Variants in ABI1 observed in about 807,000 individuals in gnomAD.
ABI1 encodes the protein abl interactor 1, also known as Abelson interactor 1.
A neutral mutation model predicts 54.6 loss-of-function variants in ABI1; 14 were observed. The ratio of observed to expected loss-of-function variants is 0.26; its 90% CI spans 0.17 to 0.40. The LOEUF (loss-of-function observed/expected upper bound fraction) is 0.40. Ranked by LOEUF, ABI1 falls within the 10% of genes least tolerant of loss-of-function variation. The probability of loss-of-function intolerance (pLI) is 1.00; values close to 1 mark genes in which losing one functional copy is unlikely to be tolerated. For missense variants in ABI1, 443 were observed against 598.3 expected (o/e 0.74, Z 2.71); for synonymous variants, 194 against 209.3 (o/e 0.93, Z 0.63).
chr10:26,840,042 T>C (rs1480410046), intron 1 of ABI1, among the ~76,000 whole-genome samples: 1 of 152,134 alleles, frequency 6.6e-6, no homozygotes, highest in African/African-American at 2.4e-5. Flanking sequence ...CTATGAATAC[T>C]AGCAAAAGTA....
chr10:26,756,323 T>C (rs1410948124), intron 8 of ABI1, among the ~76,000 whole-genome samples: 1 of 152,172 alleles, frequency 6.6e-6, no homozygotes, highest in Non-Finnish European at 1.5e-5. Flanking sequence ...CAGGAAAAAC[T>C]CTTGTTTGTA....
intron 1 of ABI1, among the ~76,000 whole-genome samples, chr10:26,852,372 A>G (rs7895559): frequency 0.57 from 87,185 of 151,904 alleles, 27,196 homozygotes; most frequent in African/African-American, 0.83. Flanking sequence ...CCAGCTACTC[A>G]GGATGCCGAG....
chr10:26,859,654 A>T (rs2051134859), intron 1 of ABI1, among the ~76,000 whole-genome samples: 1 of 152,230 alleles, frequency 6.6e-6, no homozygotes, highest in South Asian at 2.1e-4. Flanking sequence ...ACAAACAAGC[A>T]TCTGTCACAA....
intron 2 of ABI1, among the ~76,000 whole-genome samples, chr10:26,807,929 T>C (rs1249648511): frequency 2.0e-5 from 3 of 151,796 alleles, no homozygotes; most frequent in Admixed American, 6.6e-5. Flanking sequence ...CCGCCTCTAT[T>C]AAAAATACAA....
intron 1 of ABI1, among the ~76,000 whole-genome samples, chr10:26,848,459 T>A (rs1403181808): frequency 2.0e-5 from 3 of 152,114 alleles, no homozygotes; most frequent in East Asian, 3.8e-4. Flanking sequence ...ATTTTTGGTA[T>A]GAAATTTGAA....
chr10:26,757,031 TAAAAAAC>T (rs1838404118), intron 8 of ABI1, among the ~76,000 whole-genome samples: 1 of 151,962 alleles, frequency 6.6e-6, no homozygotes, highest in Non-Finnish European at 1.5e-5. Context: ...GGTTTTGACT[TAAAAAAC>T]AAAAAACTCT....
chr10:26,843,722 G>A (rs7068321), intron 1 of ABI1, among the ~76,000 whole-genome samples: 38,307 of 150,334 alleles, frequency 0.25, 5,508 homozygotes, highest in South Asian at 0.44. Context: ...TGTGGTAGTG[G>A]GGCAAGGTAG....
Position 26,830,998 on chromosome 10 carries a change from C to A in ABI1, c.118-7693G>T, listed in dbSNP as rs953318445. Among the ~76,000 whole-genome samples, 3 of 152,088 alleles carry A rather than the reference C, an allele frequency of 2.0e-5. No homozygotes were observed. In the East Asian group the frequency reaches 5.8e-4, roughly 29 times the overall value. On this transcript the variant is annotated intron_variant, in intron 1 of 10. Transcript: ENST00000376140. ...TGCAGCCTTGATCTCCTGGGTTCAA[C>A]TGATCCTCCCACCTCAGCCTCCTGA...
At chr10:26,772,284 T>C (rs1326380266) in intron 3 of ABI1, among the ~76,000 whole-genome samples, 3 of 152,094 alleles carry the variant, frequency 2.0e-5, no homozygotes, top group Admixed American at 1.3e-4. Flanking sequence ...TAAAATACAC[T>C]AATGTATACT....
chr10:26,854,029 G>A (rs1293538978), intron 1 of ABI1, among the ~76,000 whole-genome samples: 1 of 152,112 alleles, frequency 6.6e-6, no homozygotes, highest in African/African-American at 2.4e-5. Context: ...TAAGGTTACT[G>A]TAAATGGTCA....
At chr10:26,846,403 C>A (rs553536627) in intron 1 of ABI1, among the ~76,000 whole-genome samples, 1 of 149,434 alleles carries the variant, frequency 6.7e-6, no homozygotes, top group East Asian at 2.0e-4. Context: ...AGTGCAGTGG[C>A]GTGCTCTCAG....
At chr10:26,796,958 A>G (rs1844260043) in intron 2 of ABI1, among the ~76,000 whole-genome samples, 1 of 152,170 alleles carries the variant, frequency 6.6e-6, no homozygotes, top group Non-Finnish European at 1.5e-5. Flanking sequence ...CTAATGCCAC[A>G]GCTAATCTGA....
chr10:26,769,049 T>C, intron 5 of ABI1, 57 bp from the exon 6 acceptor site: 1 of 1,373,236 alleles, frequency 7.3e-7, no homozygotes, highest in Non-Finnish European at 9.7e-7. Flanking sequence ...ATTGTATTTT[T>C]CCCAAAAATA....
At chr10:26,844,945 C>T (rs188703213) in intron 1 of ABI1, among the ~76,000 whole-genome samples, 51 of 152,272 alleles carry the variant, frequency 3.3e-4, no homozygotes, top group Non-Finnish European at 1.0e-4. Flanking sequence ...TCTCTCCCTT[C>T]TCCAATCCAT....
intron 2 of ABI1, among the ~76,000 whole-genome samples, chr10:26,800,674 C>T (rs1043250637): frequency 1.3e-5 from 2 of 151,980 alleles, no homozygotes; most frequent in African/African-American, 2.4e-5. Flanking sequence ...GAGGATGCAA[C>T]GAGCCATGAC....
chr10:26,799,039 T>C (rs2046376197), intron 2 of ABI1, among the ~76,000 whole-genome samples: 1 of 152,168 alleles, frequency 6.6e-6, no homozygotes, highest in Admixed American at 6.6e-5. Context: ...TGTTGTTTCA[T>C]TTGAATTCAA....
intron 9 of ABI1, among the ~76,000 whole-genome samples, chr10:26,753,656 AGT>A (rs1432851954): frequency 7.2e-5 from 11 of 152,188 alleles, no homozygotes; most frequent in African/African-American, 2.7e-4. Flanking sequence ...ACCCACTTTG[AGT>A]GTCATAAGAA....
intron 1 of ABI1, among the ~76,000 whole-genome samples, chr10:26,858,060 A>G (rs2050983406): frequency 6.6e-6 from 1 of 152,222 alleles, no homozygotes; most frequent in South Asian, 2.1e-4. Context: ...CAAACTGTAG[A>G]AAAACGAAAT....
chr10:26,811,316 T>C (rs112720995), intron 2 of ABI1, among the ~76,000 whole-genome samples: 34 of 152,200 alleles, frequency 2.2e-4, no homozygotes, highest in African/African-American at 8.2e-4. Context: ...AGCATGTATT[T>C]ACATTCAGAG....
Sources: allele counts gnomAD v4.1 joint callset (sites outside exome capture counted in the v4.1 genomes callset), GRCh38; gene constraint gnomAD v4.1.1; transcripts MANE v1.5; gene names NCBI Gene and HGNC (gene_info 2026-07-23, HGNC 2026-07-21).